Variants in SMYD3 observed in about 807,000 individuals in gnomAD.
SMYD3 encodes SET and MYND domain containing 3, also known as histone-lysine N-methyltransferase SMYD3.
In SMYD3, 36 loss-of-function variants were observed where a neutral mutation model predicts 57.7. The observed-to-expected ratio is 0.62, with a 90% CI of 0.48 to 0.82. The LOEUF is 0.82. Ranked by LOEUF, SMYD3 falls within the 40% of genes least tolerant of loss-of-function variation. SMYD3 has a pLI of 0.00. For synonymous variants in SMYD3, 211 were observed against 195.0 expected (o/e 1.08, Z -0.68); for missense variants, 515 against 538.8 (o/e 0.96, Z 0.44).
intron 5 of SMYD3, among the ~76,000 whole-genome samples, chr1:246,303,991 C>G (rs2064938100): frequency 6.6e-6 from 1 of 152,172 alleles, no homozygotes. Context: ...CTACTTTAGA[C>G]TGGAATCCAG....
intron 5 of SMYD3, among the ~76,000 whole-genome samples, chr1:246,119,274 A>G (rs2061387827): frequency 6.6e-6 from 1 of 152,134 alleles, no homozygotes; most frequent in African/African-American, 2.4e-5. Context: ...CTGGGATTAC[A>G]GGCATGAGCC....
intron 1 of SMYD3, among the ~76,000 whole-genome samples, chr1:246,482,264 G>T (rs2068120973): frequency 6.6e-6 from 1 of 152,068 alleles, no homozygotes; most frequent in Non-Finnish European, 1.5e-5. Flanking sequence ...TACACTAATG[G>T]TTATCACCTA....
At chr1:246,473,764 G>A (rs1022703858) in intron 1 of SMYD3, among the ~76,000 whole-genome samples, 6 of 152,120 alleles carry the variant, frequency 3.9e-5, no homozygotes, top group Non-Finnish European at 7.4e-5. Context: ...TGGGGCGAGG[G>A]GGTACCACTC....
chr1:245,804,015 G>GT (rs1306964742), intron 10 of SMYD3, among the ~76,000 whole-genome samples: 3 of 150,884 alleles, frequency 2.0e-5, no homozygotes, highest in Non-Finnish European at 1.5e-5. Flanking sequence ...CCGGGTTCAA[G>GT]GATTCTCCTG....
chr1:245,821,055 T>C (rs1360378813), intron 10 of SMYD3, among the ~76,000 whole-genome samples: 1 of 150,572 alleles, frequency 6.6e-6, no homozygotes, highest in African/African-American at 2.4e-5. Context: ...ACTTTAAAGT[T>C]CATATGGAAC....
intron 1 of SMYD3, among the ~76,000 whole-genome samples, chr1:246,482,907 C>T (rs1312621129): frequency 1.3e-5 from 2 of 151,194 alleles, no homozygotes. Context: ...ACCAAGGAGC[C>T]TCTGATTCCC....
At chr1:245,878,853 C>T (rs749540467) in intron 8 of SMYD3, among the ~76,000 whole-genome samples, 2 of 152,110 alleles carry the variant, frequency 1.3e-5, no homozygotes, top group Non-Finnish European at 1.5e-5. Flanking sequence ...AGGAAGAGGG[C>T]GTTGAGCTTG....
intron 5 of SMYD3, among the ~76,000 whole-genome samples, chr1:245,957,135 T>A (rs889223445): frequency 6.6e-6 from 1 of 152,144 alleles, no homozygotes; most frequent in Non-Finnish European, 1.5e-5. Context: ...CAGAAAATGA[T>A]GAAAAGGAAT....
chr1:246,160,375 G>A (rs1012077131), intron 5 of SMYD3, among the ~76,000 whole-genome samples: 1 of 152,072 alleles, frequency 6.6e-6, no homozygotes, highest in Non-Finnish European at 1.5e-5. Flanking sequence ...TGAGGTTTGG[G>A]GTGAAAATTC....
In SMYD3 at chr1:245,812,978, C is replaced by T. The variant is rs142652549; in HGVS notation, c.1076+45518G>A. The stretch of plus-strand genomic sequence containing the variant: ...TGAGGAGGTGAGGAGGAGAGGAAGG[C>T]ATGGAGCCATGGTCATGAGACAGCT... On this transcript the variant is annotated intron_variant, in intron 10 of 11. Transcript: ENST00000490107. Among the ~76,000 whole-genome samples, 59 of 144,130 alleles carry T rather than the reference C, an allele frequency of 4.1e-4. 1 individual carries two copies. Among genetic ancestry groups the T allele is most frequent in the Non-Finnish European group, 4.9e-4 (33 of 66,872 alleles). The allele number at this position is 144,130 out of a possible 152,430, so 94.6% of individuals were successfully genotyped here. A position where few individuals can be genotyped will look rare whatever the true frequency, so the allele number is the denominator to read the frequency against.
At chr1:246,042,836 A>T (rs1296335525) in intron 5 of SMYD3, among the ~76,000 whole-genome samples, 1 of 152,072 alleles carries the variant, frequency 6.6e-6, no homozygotes, top group Non-Finnish European at 1.5e-5. Context: ...CCTTCAACAA[A>T]GCTTTGACCA....
At chr1:245,894,577 G>A (rs1052242747) in intron 8 of SMYD3, among the ~76,000 whole-genome samples, 6 of 152,098 alleles carry the variant, frequency 3.9e-5, no homozygotes, top group East Asian at 1.9e-4. Context: ...TGAACCCACC[G>A]GAAGGAACCA....
chr1:245,944,926 C>T (rs996621657), intron 5 of SMYD3, among the ~76,000 whole-genome samples: 3 of 152,140 alleles, frequency 2.0e-5, no homozygotes, highest in Admixed American at 6.5e-5. Flanking sequence ...GGGGAACTGG[C>T]TAGCCATATG....
At chr1:245,961,244 C>G (rs2057998935) in intron 5 of SMYD3, among the ~76,000 whole-genome samples, 1 of 152,192 alleles carries the variant, frequency 6.6e-6, no homozygotes. Context: ...AGGGTCAACC[C>G]TCATTTCTAG....
chr1:246,239,186 G>A (rs534979451), intron 5 of SMYD3, among the ~76,000 whole-genome samples: 6 of 152,216 alleles, frequency 3.9e-5, no homozygotes, highest in African/African-American at 1.4e-4. Context: ...CCATGTTGGT[G>A]TGCTGCACCC....
intron 10 of SMYD3, among the ~76,000 whole-genome samples, chr1:245,781,842 A>C (rs997054497): frequency 6.6e-6 from 1 of 152,132 alleles, no homozygotes; most frequent in African/African-American, 2.4e-5. Context: ...GGTGGCATGC[A>C]TCTGTAATCC....
chr1:245,808,980 C>A (rs1399551175), intron 10 of SMYD3, among the ~76,000 whole-genome samples: 3 of 152,152 alleles, frequency 2.0e-5, no homozygotes, highest in African/African-American at 7.2e-5. Flanking sequence ...CCAGGCTGGT[C>A]TTGGACTCCT....
chr1:245,874,167 A>G (rs1265145277), intron 8 of SMYD3, among the ~76,000 whole-genome samples: 1 of 152,240 alleles, frequency 6.6e-6, no homozygotes, highest in Non-Finnish European at 1.5e-5. Flanking sequence ...CATAGCACAG[A>G]GAGTCTACAG....
chr1:245,928,112 T>C, intron 6 of SMYD3, 79 bp from the exon 7 acceptor site: 1 of 1,117,594 alleles, frequency 8.9e-7, no homozygotes, highest in Non-Finnish European at 1.3e-6. Context: ...GTGGGTAAAA[T>C]ACACCTTCCT....
Sources: allele counts gnomAD v4.1 joint callset (sites outside exome capture counted in the v4.1 genomes callset), GRCh38; gene constraint gnomAD v4.1.1; transcripts MANE v1.5; gene names NCBI Gene and HGNC (gene_info 2026-07-23, HGNC 2026-07-21).